Variants in C16orf78 observed in about 807,000 individuals in gnomAD.
The protein encoded by C16orf78 is uncharacterized protein C16orf78.
A neutral mutation model predicts 27.3 loss-of-function variants in C16orf78; 19 were observed. The observed-to-expected ratio is 0.70, with a 90% confidence interval of 0.49 to 1.02. The LOEUF (loss-of-function observed/expected upper bound fraction) is 1.02. Ranked by LOEUF, C16orf78 falls within the 50% of genes least tolerant of loss-of-function variation. The pLI is 0.00. For synonymous variants in C16orf78, 130 were observed against 116.1 expected (o/e 1.12, Z -0.77); for missense variants, 339 against 337.0 (o/e 1.01, Z -0.05).
chr16:49,385,613 C>T (rs1965340335), intron 3 of C16orf78, among the ~76,000 whole-genome samples: 1 of 151,168 alleles, frequency 6.6e-6, no homozygotes, highest in African/African-American at 2.4e-5. Flanking sequence ...CGAGATCATG[C>T]CATTGCACTC....
intron 3 of C16orf78, among the ~76,000 whole-genome samples, chr16:49,392,617 T>C (rs1965426882): frequency 6.6e-6 from 1 of 152,168 alleles, no homozygotes; most frequent in Admixed American, 6.5e-5. Context: ...AGGTAAATAG[T>C]AGGTAAATAA....
At chr16:49,392,146 C>T (rs2151615258) in intron 3 of C16orf78, among the ~76,000 whole-genome samples, 1 of 152,254 alleles carries the variant, frequency 6.6e-6, no homozygotes, top group East Asian at 1.9e-4. Context: ...TGAAATCTTA[C>T]AAGCTTACAG....
chr16:49,374,206 G>C, intron 1 of C16orf78, 117 bp downstream of exon 1: 1 of 1,298,700 alleles, frequency 7.7e-7, no homozygotes. Context: ...GAAGTGCTGG[G>C]ATAAGCTAGT....
intron 1 of C16orf78, among the ~76,000 whole-genome samples, chr16:49,376,850 A>G (rs1237587742): frequency 6.6e-6 from 1 of 152,188 alleles, no homozygotes; most frequent in African/African-American, 2.4e-5. Flanking sequence ...CTCAGCCCTC[A>G]GCCGTGGATA....
intron 3 of C16orf78, among the ~76,000 whole-genome samples, chr16:49,383,231 G>T (rs1295850439): frequency 1.3e-5 from 2 of 152,248 alleles, no homozygotes; most frequent in Non-Finnish European, 2.9e-5. Flanking sequence ...CCTAGTCAGG[G>T]CTGAGCCTGG....
intron 3 of C16orf78, among the ~76,000 whole-genome samples, chr16:49,382,448 T>A (rs967174675): frequency 4.0e-5 from 6 of 148,862 alleles, no homozygotes; most frequent in Non-Finnish European, 7.4e-5. Flanking sequence ...TAAATAAATT[T>A]AAAAAAAAGA....
chr16:49,383,098 C>G (rs1965307740), intron 3 of C16orf78, among the ~76,000 whole-genome samples: 1 of 152,238 alleles, frequency 6.6e-6, no homozygotes, highest in Admixed American at 6.5e-5. Flanking sequence ...GAAGCCTTGT[C>G]TCTCCTGATG....
At chr16:49,385,016 T>A (rs1184174812) in intron 3 of C16orf78, among the ~76,000 whole-genome samples, 1 of 152,214 alleles carries the variant, frequency 6.6e-6, no homozygotes, top group Non-Finnish European at 1.5e-5. Flanking sequence ...CCATTGAACC[T>A]GCCTTATAAG....
intron 4 of C16orf78, among the ~76,000 whole-genome samples, chr16:49,398,315 G>T (rs1439419860): frequency 1.3e-5 from 2 of 152,116 alleles, no homozygotes; most frequent in African/African-American, 4.8e-5. Flanking sequence ...CTGAGTAGGG[G>T]GCCTACACCC....
At chr16:49,379,722 G>A (rs1965264937) in intron 3 of C16orf78, among the ~76,000 whole-genome samples, 1 of 152,166 alleles carries the variant, frequency 6.6e-6, no homozygotes, top group African/African-American at 2.4e-5. Flanking sequence ...GACGTAAGAT[G>A]TTAACATTAA....
In C16orf78 at chr16:49,390,202, C is replaced by G. The variant is rs140834162; in HGVS notation, c.395-6221C>G. On this transcript the variant is annotated intron_variant, in intron 3 of 4. Transcript: ENST00000299191. Reference sequence around the variant, plus strand: ...TTTAAGAAAGGAGCTTATGATGTGCCTCAGTGTCATTTGCTTAATATTTCT... The same window carrying G: ...TTTAAGAAAGGAGCTTATGATGTGCGTCAGTGTCATTTGCTTAATATTTCT... 2.1e-3 allele frequency among the ~76,000 whole-genome samples: 319 copies of G among 152,230 alleles called. 1 individual carries two copies. The highest frequency in any genetic ancestry group is 7.2e-3 in the African/African-American group (299 of 41,546).
intron 3 of C16orf78, among the ~76,000 whole-genome samples, chr16:49,381,062 A>G (rs907645669): frequency 7.9e-5 from 12 of 151,908 alleles, no homozygotes; most frequent in Non-Finnish European, 1.5e-4. Context: ...GAAGTCAGGT[A>G]GTGTGATGCC....
chr16:49,385,228 T>C (rs751345063), intron 3 of C16orf78, among the ~76,000 whole-genome samples: 11 of 152,206 alleles, frequency 7.2e-5, no homozygotes, highest in Non-Finnish European at 1.6e-4. Flanking sequence ...ACTATAACTA[T>C]AATAATTTGT....
intron 3 of C16orf78, among the ~76,000 whole-genome samples, chr16:49,384,992 G>T (rs181579085): frequency 3.3e-5 from 5 of 152,284 alleles, no homozygotes; most frequent in Admixed American, 2.6e-4. Context: ...AACAAAGAGT[G>T]AGAGTTTTCA....
At position 49,378,605 on chromosome 16, in the gene C16orf78, A is replaced by T; in HGVS notation, c.394+12A>T. 1 of 1,613,626 alleles carries T rather than the reference A, an allele frequency of 6.2e-7. No individual in the cohort carries two copies. Among genetic ancestry groups the T allele is most frequent in the South Asian group, 1.1e-5 (1 of 90,934 alleles). On this transcript the variant is annotated intron_variant, in intron 3 of 4. Transcript: ENST00000299191. ...CCCCAAGAAATCTGGTAAGGGAAAAACCTTGGCCCCGGCCACCAGAATCCT... is the reference window on the plus strand; with the variant it reads ...CCCCAAGAAATCTGGTAAGGGAAAATCCTTGGCCCCGGCCACCAGAATCCT...
chr16:49,394,942 A>AC (rs1475838234), intron 3 of C16orf78, among the ~76,000 whole-genome samples: 2 of 152,124 alleles, frequency 1.3e-5, no homozygotes, highest in African/African-American at 4.8e-5. Flanking sequence ...ATCATAGCTC[A>AC]CCGCAGCCTT....
In C16orf78 at chr16:49,378,510, G is replaced by C; in HGVS notation, c.311G>C (p.Arg104Pro). 1 of 1,608,262 alleles carries C rather than the reference G, an allele frequency of 6.2e-7. No homozygotes were observed. Among genetic ancestry groups the C allele is most frequent in the Non-Finnish European group, 8.5e-7 (1 of 1,177,190 alleles). Residue 104 changes from arginine (R) to proline (P), a missense_variant, in exon 3 of 5, where the codon CGA (arginine) becomes CCA (proline). Arg to Pro is a moderately radical substitution (Grantham distance 103). Coordinates refer to ENST00000299191, the MANE Select transcript of C16orf78 (RefSeq NM_144602.4). ...TTCAGGAAGGACGCCGCCTCCTACCGAAGCCTCTATGGAGTGGAGCAAAAG... is the reference window on the plus strand; with the variant it reads ...TTCAGGAAGGACGCCGCCTCCTACCCAAGCCTCTATGGAGTGGAGCAAAAG... ...KRFRKDAASY[R>P]SLYGVEQKGK...
intron 3 of C16orf78, among the ~76,000 whole-genome samples, chr16:49,389,575 G>A (rs1009855453): frequency 9.2e-5 from 14 of 152,288 alleles, no homozygotes; most frequent in South Asian, 2.1e-4. Context: ...CAGCCTGGGT[G>A]ACAGGGCGAG....
intron 4 of C16orf78, among the ~76,000 whole-genome samples, chr16:49,397,130 T>C (rs1965485465): frequency 6.6e-6 from 1 of 152,178 alleles, no homozygotes; most frequent in South Asian, 2.1e-4. Flanking sequence ...ATGAACAAAG[T>C]GTGAAACCAT....
Sources: allele counts gnomAD v4.1 joint callset (sites outside exome capture counted in the v4.1 genomes callset), GRCh38; gene constraint gnomAD v4.1.1; transcripts MANE v1.5; gene names NCBI Gene and HGNC (gene_info 2026-07-23, HGNC 2026-07-21).